ZNF708: variants seen among roughly 807,000 people sequenced by gnomAD.
ZNF708 encodes the protein zinc finger protein 708, also known as ZNF15, ZNF15L1.
In ZNF708, 44 loss-of-function variants were observed where a neutral mutation model predicts 47.0. That is an observed-to-expected ratio of 0.94 (90% CI 0.74 to 1.20). The LOEUF (loss-of-function observed/expected upper bound fraction) is 1.20. Ranked by LOEUF, ZNF708 falls within the 50% of genes most tolerant of loss-of-function variation. ZNF708 has a pLI of 0.00. For missense variants in ZNF708, 557 were observed against 656.0 expected, an observed-to-expected ratio of 0.85 and a Z score of 1.65; for synonymous variants, 184 against 218.5, an observed-to-expected ratio of 0.84 and a Z score of 1.39.
chr19:21,312,450 T>C (rs1443909514), intron 1 of ZNF708, among the ~76,000 whole-genome samples: 1 of 151,796 alleles, frequency 6.6e-6, no homozygotes, highest in African/African-American at 2.4e-5. Flanking sequence ...GGAGACAGAG[T>C]GAGACTCCAT....
Position 21,294,498 on chromosome 19 carries a change from C to G in ZNF708, c.468G>C (p.Lys156Asn), listed in dbSNP as rs147823763. 2.2e-5 allele frequency: 36 copies of G among 1,613,910 alleles called. No individual in the cohort carries two copies. In the African/African-American group the frequency reaches 4.3e-4, roughly 19 times the overall value. The change falls in exon 4 of 4, where the codon AAG becomes AAC. Residue 156 changes from lysine to asparagine, a missense_variant. Physicochemically the swap from Lys to Asn is moderately conservative, Grantham distance 94. Coordinates refer to ENST00000356929, the MANE Select transcript of ZNF708 (RefSeq NM_021269.3). ...TTCCAGTATGTCTTATCTTATGTCT[C>G]TTTGCATTTGAATATTTATGAAAGA... Reference protein sequence around the residue: ...VKVFHKYSNAKRHKIRHTGKN... With the variant: ...VKVFHKYSNANRHKIRHTGKN...
intron 3 of ZNF708, among the ~76,000 whole-genome samples, chr19:21,308,060 T>C (rs1014430400): frequency 5.3e-5 from 8 of 151,778 alleles, no homozygotes; most frequent in Non-Finnish European, 1.2e-4. Context: ...GTGAAAAAAA[T>C]CTTTACAATA....
At chr19:21,317,613 A>G (rs2145180022) in intron 1 of ZNF708, among the ~76,000 whole-genome samples, 1 of 152,354 alleles carries the variant, frequency 6.6e-6, no homozygotes, top group South Asian at 2.1e-4. Flanking sequence ...ACAATGATGG[A>G]AAAGAAAGAA....
chr19:21,320,867 C>T (rs1051075998), intron 1 of ZNF708, among the ~76,000 whole-genome samples: 4 of 151,290 alleles, frequency 2.6e-5, no homozygotes, highest in Non-Finnish European at 5.9e-5. Flanking sequence ...GAAGGCTGGG[C>T]GCGGTGGCTC....
intron 1 of ZNF708, among the ~76,000 whole-genome samples, chr19:21,321,849 C>T (rs1973151651): frequency 6.6e-6 from 1 of 151,754 alleles, no homozygotes; most frequent in African/African-American, 2.4e-5. Flanking sequence ...ACCTATATTA[C>T]AAACCTGCAC....
At chr19:21,312,092 C>T (rs1241034947) in intron 1 of ZNF708, among the ~76,000 whole-genome samples, 1 of 151,988 alleles carries the variant, frequency 6.6e-6, no homozygotes, top group African/African-American at 2.4e-5. Flanking sequence ...GTCAGAAGTT[C>T]GAAACCAGCC....
chr19:21,297,898 C>G (rs1972571973), intron 3 of ZNF708, among the ~76,000 whole-genome samples: 2 of 151,726 alleles, frequency 1.3e-5, no homozygotes, highest in Admixed American at 1.3e-4. Context: ...TAAGTGAAAA[C>G]TCTGAAAAGA....
At chr19:21,320,327 T>C (rs1392848289) in intron 1 of ZNF708, among the ~76,000 whole-genome samples, 1 of 152,218 alleles carries the variant, frequency 6.6e-6, no homozygotes, top group Non-Finnish European at 1.5e-5. Context: ...TTTATTGCAG[T>C]ACTATTCACA....
intron 1 of ZNF708, among the ~76,000 whole-genome samples, chr19:21,312,307 A>G (rs1330033608): frequency 6.8e-6 from 1 of 146,012 alleles, no homozygotes; most frequent in African/African-American, 2.6e-5. Context: ...AAAAAAAAAT[A>G]CAAAAATTAG....
intron 1 of ZNF708, among the ~76,000 whole-genome samples, chr19:21,326,590 A>G (rs1251330237): frequency 6.6e-6 from 1 of 152,170 alleles, no homozygotes; most frequent in Non-Finnish European, 1.5e-5. Context: ...ATAAAAGACT[A>G]CAAATTTGGT....
At chr19:21,314,952 G>T (rs1291081205) in intron 1 of ZNF708, among the ~76,000 whole-genome samples, 1 of 152,164 alleles carries the variant, frequency 6.6e-6, no homozygotes, top group Non-Finnish European at 1.5e-5. Flanking sequence ...GCTAGAGAGA[G>T]TCATGCTGAT....
At chr19:21,326,933 T>TTAAATA (rs1185004556) in intron 1 of ZNF708, among the ~76,000 whole-genome samples, 1 of 151,718 alleles carries the variant, frequency 6.6e-6, no homozygotes, top group Non-Finnish European at 1.5e-5. Flanking sequence ...AGAGTCCATA[T>TTAAATA]TAAATATAAA....
intron 3 of ZNF708, among the ~76,000 whole-genome samples, chr19:21,296,024 T>C (rs1269301991): frequency 6.6e-6 from 1 of 151,732 alleles, no homozygotes; most frequent in African/African-American, 2.4e-5. Flanking sequence ...ATTAGGAAGA[T>C]AAAAATGTCA....
chr19:21,298,773 A>T (rs1375171337), intron 3 of ZNF708, among the ~76,000 whole-genome samples: 1 of 152,228 alleles, frequency 6.6e-6, no homozygotes, highest in Non-Finnish European at 1.5e-5. Flanking sequence ...ACCCATAATT[A>T]TTGCAGCACT....
chr19:21,323,866 G>A (rs1174427313), intron 1 of ZNF708, among the ~76,000 whole-genome samples: 1 of 152,092 alleles, frequency 6.6e-6, no homozygotes, highest in South Asian at 2.1e-4. Context: ...TTTTTTGCAG[G>A]CTCAATATTA....
chr19:21,319,304 A>C (rs2968054), intron 1 of ZNF708, among the ~76,000 whole-genome samples: 12 of 152,316 alleles, frequency 7.9e-5, no homozygotes, highest in African/African-American at 2.6e-4. Context: ...TTTGCAGTGT[A>C]AGTACTTCAG....
chr19:21,311,239 C>T (rs1354574218), intron 1 of ZNF708, among the ~76,000 whole-genome samples: 1 of 151,004 alleles, frequency 6.6e-6, no homozygotes, highest in African/African-American at 2.5e-5. Flanking sequence ...CAAGGAAAAC[C>T]TAAGAAAAAG....
intron 3 of ZNF708, among the ~76,000 whole-genome samples, chr19:21,299,889 CA>C (rs1349221535): frequency 1.3e-5 from 2 of 151,312 alleles, no homozygotes; most frequent in East Asian, 3.9e-4. Flanking sequence ...TCTTTAAATC[CA>C]AAAATAATAG....
chr19:21,318,177 T>C (rs965238516), intron 1 of ZNF708: 1 of 152,162 alleles, frequency 6.6e-6, no homozygotes, highest in African/African-American at 2.4e-5. Flanking sequence ...CAGGAGAGCC[T>C]ACAGGATTTG....
Sources: allele counts gnomAD v4.1 joint callset (sites outside exome capture counted in the v4.1 genomes callset), GRCh38; gene constraint gnomAD v4.1.1; transcripts MANE v1.5; gene names NCBI Gene and HGNC (gene_info 2026-07-23, HGNC 2026-07-21).